Variants in ASAP2 observed in about 807,000 individuals in gnomAD.
The protein encoded by ASAP2 is arf-GAP with SH3 domain, ANK repeat and PH domain-containing protein 2.
In ASAP2, 45 loss-of-function variants were observed where a neutral mutation model predicts 131.4. That is an observed-to-expected ratio of 0.34 (90% CI 0.27 to 0.44). The LOEUF (loss-of-function observed/expected upper bound fraction) is 0.44. Ranked by LOEUF, ASAP2 falls within the 20% of genes least tolerant of loss-of-function variation. The probability of loss-of-function intolerance (pLI) is 1.00; values close to 1 mark genes in which losing one functional copy is unlikely to be tolerated. For synonymous variants in ASAP2, 510 were observed against 503.0 expected, an observed-to-expected ratio of 1.01 and a Z score of -0.19; for missense variants, 1,011 against 1,297.0, an observed-to-expected ratio of 0.78 and a Z score of 3.39.
At chr2:9,365,676 A>T (rs1188506953) in intron 15 of ASAP2, among the ~76,000 whole-genome samples, 3 of 152,164 alleles carry the variant, frequency 2.0e-5, no homozygotes, top group Non-Finnish European at 4.4e-5. Context: ...TGCCAAGAAA[A>T]GGGGCCTCCT....
chr2:9,350,995 T>A, intron 12 of ASAP2, 100 bp downstream of exon 12: 1 of 921,614 alleles, frequency 1.1e-6, no homozygotes, highest in Non-Finnish European at 1.6e-6. Flanking sequence ...AAGAATTGGT[T>A]TTTGAAGAGA....
intron 12 of ASAP2, among the ~76,000 whole-genome samples, chr2:9,352,375 C>T (rs552113893): frequency 6.6e-6 from 1 of 152,260 alleles, no homozygotes; most frequent in East Asian, 1.9e-4. Context: ...GGGTTTTAGG[C>T]CTTTCTGTTT....
At chr2:9,259,317 G>A (rs973903023) in intron 1 of ASAP2, among the ~76,000 whole-genome samples, 2 of 152,216 alleles carry the variant, frequency 1.3e-5, no homozygotes, top group African/African-American at 2.4e-5. Flanking sequence ...GCCAAGGGCC[G>A]CCATCCCTGC....
chr2:9,309,512 C>T (rs943545256), intron 3 of ASAP2, among the ~76,000 whole-genome samples: 1 of 152,146 alleles, frequency 6.6e-6, no homozygotes, highest in Non-Finnish European at 1.5e-5. Context: ...AAAAGGGGCA[C>T]AAGAAAACAT....
chr2:9,356,210 G>A lies in ASAP2; in HGVS notation c.1192G>A (p.Glu398Lys). ...WMSVLQNSKE[E>K]ALNNAFKGDD... ...GTCTGTGCTGCAAAATAGCAAAGAA[G>A]AAGCTTTAAACAATGCATTTAAGGG... Residue 398 changes from glutamate to lysine, a missense_variant, in exon 14 of 28, where the codon GAA (glutamate) becomes AAA (lysine). By Grantham distance (56) the Glu-to-Lys change is moderately conservative. Coordinates refer to ENST00000281419, the MANE Select transcript of ASAP2 (RefSeq NM_003887.3). 1.2e-6 allele frequency: 2 copies of A among 1,614,046 alleles called. No individual in the cohort carries two copies. Among genetic ancestry groups the A allele is most frequent in the South Asian group, 1.1e-5 (1 of 91,064 alleles).
chr2:9,283,036 T>G (rs1667234793), intron 2 of ASAP2, among the ~76,000 whole-genome samples: 1 of 152,034 alleles, frequency 6.6e-6, no homozygotes, highest in South Asian at 2.1e-4. Flanking sequence ...CTCTTTGACT[T>G]CAGCGTAGCC....
intron 9 of ASAP2, among the ~76,000 whole-genome samples, chr2:9,344,047 GCCT>G (rs1431464979): frequency 6.6e-6 from 1 of 152,206 alleles, no homozygotes; most frequent in Non-Finnish European, 1.5e-5. Context: ...CTGTTTATTG[GCCT>G]TACTGGGTAT....
At chr2:9,223,268 CGAAGTAAAGGA>C (rs1662551463) in intron 1 of ASAP2, among the ~76,000 whole-genome samples, 1 of 152,136 alleles carries the variant, frequency 6.6e-6, no homozygotes, top group Admixed American at 6.6e-5. Context: ...ATGGTCAAAG[CGAAGTAAAGGA>C]GATTTGATTG....
chr2:9,341,989 G>T (rs1467298307), intron 9 of ASAP2, among the ~76,000 whole-genome samples: 2 of 152,160 alleles, frequency 1.3e-5, no homozygotes, highest in African/African-American at 4.8e-5. Flanking sequence ...TGCTCACGTG[G>T]AGTTTTTTGG....
At chr2:9,374,100 G>C (rs1001498842) in intron 16 of ASAP2, among the ~76,000 whole-genome samples, 2 of 152,220 alleles carry the variant, frequency 1.3e-5, no homozygotes, top group African/African-American at 4.8e-5. Flanking sequence ...TTGAACTCAG[G>C]CTTCTTTGGC....
chr2:9,250,253 T>C (rs1664614468), intron 1 of ASAP2, among the ~76,000 whole-genome samples: 1 of 152,204 alleles, frequency 6.6e-6, no homozygotes, highest in African/African-American at 2.4e-5. Flanking sequence ...CTGTAAGGAA[T>C]GTTACACACA....
intron 7 of ASAP2, among the ~76,000 whole-genome samples, chr2:9,329,630 A>G (rs2148539275): frequency 6.6e-6 from 1 of 152,314 alleles, no homozygotes; most frequent in East Asian, 1.9e-4. Context: ...GCTTGTGTAC[A>G]CAGCTCCTGT....
chr2:9,305,170 T>G (rs1572400811), intron 3 of ASAP2, among the ~76,000 whole-genome samples: 1 of 148,872 alleles, frequency 6.7e-6, no homozygotes, highest in Non-Finnish European at 1.5e-5. Context: ...GGGGCTGGAG[T>G]AGTGAGGTAT....
intron 15 of ASAP2, 78 bp from the exon 16 acceptor site, chr2:9,368,347 T>C: frequency 2.3e-6 from 3 of 1,297,608 alleles, no homozygotes; most frequent in Non-Finnish European, 3.3e-6. Flanking sequence ...AAATAAATCA[T>C]CAGATGGGGA....
chr2:9,258,105 G>A (rs1033942343), intron 1 of ASAP2, among the ~76,000 whole-genome samples: 2 of 152,000 alleles, frequency 1.3e-5, no homozygotes, highest in Non-Finnish European at 2.9e-5. Context: ...TAGGATATAC[G>A]GACATACACA....
At chr2:9,351,864 G>T (rs937670512) in intron 12 of ASAP2, among the ~76,000 whole-genome samples, 1 of 152,150 alleles carries the variant, frequency 6.6e-6, no homozygotes, top group Non-Finnish European at 1.5e-5. Flanking sequence ...TCTGGGGAGG[G>T]TTGAGCACTG....
At chr2:9,358,017 A>G (rs1003455949) in intron 14 of ASAP2, among the ~76,000 whole-genome samples, 2 of 152,144 alleles carry the variant, frequency 1.3e-5, no homozygotes, top group African/African-American at 4.8e-5. Flanking sequence ...TGCTAAATGT[A>G]TGGTAGGTCA....
chr2:9,336,648 T>C (rs533282001), intron 9 of ASAP2, among the ~76,000 whole-genome samples: 17 of 152,282 alleles, frequency 1.1e-4, no homozygotes, highest in Admixed American at 6.5e-4. Flanking sequence ...TTATATTTAG[T>C]GCTAGAAAGG....
At chr2:9,342,605 T>G (rs1245525768) in intron 9 of ASAP2, among the ~76,000 whole-genome samples, 1 of 152,252 alleles carries the variant, frequency 6.6e-6, no homozygotes, top group Non-Finnish European at 1.5e-5. Flanking sequence ...GGCAATAGTT[T>G]CTTAGATAGC....
Sources: allele counts gnomAD v4.1 joint callset (sites outside exome capture counted in the v4.1 genomes callset), GRCh38; gene constraint gnomAD v4.1.1; transcripts MANE v1.5; gene names NCBI Gene and HGNC (gene_info 2026-07-23, HGNC 2026-07-21).